CCDC30: variants seen among roughly 807,000 people sequenced by gnomAD.
The protein encoded by CCDC30 is coiled-coil domain containing 30.
In CCDC30, 70 loss-of-function variants were observed where a neutral mutation model predicts 100.2. That is an observed-to-expected ratio of 0.70 (90% CI 0.58 to 0.85). The LOEUF is 0.85. Among genes scored for constraint, CCDC30 ranks in the 40% least tolerant of loss-of-function variants. The probability of loss-of-function intolerance (pLI) is 0.00; values close to 1 mark genes in which losing one functional copy is unlikely to be tolerated. For synonymous variants in CCDC30, 233 were observed against 269.5 expected (o/e 0.86, Z 1.33); for missense variants, 652 against 771.2 (o/e 0.85, Z 1.83).
Position 42,512,304 on chromosome 1 carries a change from T to A in CCDC30, c.456+13388T>A, listed in dbSNP as rs139821609. Among the ~76,000 whole-genome samples the A allele has an allele frequency of 5.2e-3, 791 of 152,186 alleles. 8 individuals carry two copies. Among genetic ancestry groups the A allele is most frequent in the African/African-American group, 0.018 (764 of 41,544 alleles). ...AAAGAGATTTTGTTTATGGCCAGTT[T>A]TGGGGCCAGTTTATGGCCAGATTTG... On this transcript the variant is annotated intron_variant, in intron 6 of 16. Coordinates refer to ENST00000668663, the Ensembl canonical transcript of CCDC30.
At chr1:42,538,839 T>A (rs1462163508) in intron 6 of CCDC30, among the ~76,000 whole-genome samples, 1 of 152,230 alleles carries the variant, frequency 6.6e-6, no homozygotes, top group African/African-American at 2.4e-5. Context: ...TAGAAACAGA[T>A]AATATAACTA....
intron 2 of CCDC30, among the ~76,000 whole-genome samples, chr1:42,482,389 C>A (rs962663105): frequency 6.6e-6 from 1 of 151,764 alleles, no homozygotes; most frequent in Non-Finnish European, 1.5e-5. Context: ...AGAAATAGAA[C>A]AATACACTCA....
chr1:42,511,048 C>T (rs1168013063), intron 6 of CCDC30, among the ~76,000 whole-genome samples: 2 of 151,960 alleles, frequency 1.3e-5, no homozygotes, highest in Non-Finnish European at 2.9e-5. Flanking sequence ...GAAAGAGAAG[C>T]GAGAAAAAGG....
intron 11 of CCDC30, among the ~76,000 whole-genome samples, chr1:42,611,628 T>C (rs1646626513): frequency 6.8e-6 from 1 of 146,390 alleles, no homozygotes; most frequent in South Asian, 2.1e-4. Context: ...CATTTGGTTT[T>C]TAGGCAGTTA....
At chr1:42,509,298 A>C (rs888881217) in intron 6 of CCDC30, among the ~76,000 whole-genome samples, 1 of 152,232 alleles carries the variant, frequency 6.6e-6, no homozygotes, top group Non-Finnish European at 1.5e-5. Context: ...CCTGGGGAGC[A>C]GACCAAGAAA....
intron 13 of CCDC30, among the ~76,000 whole-genome samples, chr1:42,643,323 T>C (rs1389213810): frequency 6.6e-6 from 1 of 152,210 alleles, no homozygotes; most frequent in African/African-American, 2.4e-5. Context: ...CAGAGCAGCA[T>C]GTGGACCTCA....
intron 3 of CCDC30, among the ~76,000 whole-genome samples, chr1:42,487,862 A>G (rs1219022676): frequency 2.6e-5 from 4 of 152,044 alleles, no homozygotes; most frequent in Admixed American, 6.6e-5. Context: ...CCTGGCCAAC[A>G]CCCTGATTTC....
downstream of CCDC30, among the ~76,000 whole-genome samples, chr1:42,656,976 G>A (rs1057049476): frequency 2.0e-5 from 3 of 152,262 alleles, no homozygotes; most frequent in Middle Eastern, 3.4e-3. Flanking sequence ...CGTGACTGCT[G>A]CTGTTCCTTT....
intron 6 of CCDC30, among the ~76,000 whole-genome samples, chr1:42,505,287 A>C (rs1309752616): frequency 6.6e-6 from 1 of 152,072 alleles, no homozygotes; most frequent in African/African-American, 2.4e-5. Flanking sequence ...GGCCAGAACT[A>C]TCTGGCCAAT....
chr1:42,569,750 G>A (rs1645691924), intron 7 of CCDC30, among the ~76,000 whole-genome samples: 1 of 152,192 alleles, frequency 6.6e-6, no homozygotes, highest in Non-Finnish European at 1.5e-5. Flanking sequence ...TGATAGACTG[G>A]ATAAAGAAAA....
At chr1:42,560,361 ATTGTTGTTG>A (rs913606834) in intron 6 of CCDC30, among the ~76,000 whole-genome samples, 2 of 151,760 alleles carry the variant, frequency 1.3e-5, no homozygotes, top group Non-Finnish European at 2.9e-5. Flanking sequence ...AGCTGTTTTT[ATTGTTGTTG>A]TTGTTGTTTT....
chr1:42,463,556 C>T (rs2148426662), exon 1 of CCDC30: 2 of 152,602 alleles, frequency 1.3e-5, no homozygotes, highest in Non-Finnish European at 2.9e-5. Context: ...GTGATTCCGC[C>T]TGAAGGAGAA....
At chr1:42,563,568 GT>G (rs1241275632) in intron 6 of CCDC30, among the ~76,000 whole-genome samples, 1 of 151,914 alleles carries the variant, frequency 6.6e-6, no homozygotes, top group Non-Finnish European at 1.5e-5. Flanking sequence ...ATGTATCCTG[GT>G]TTTTTTTAGA....
At chr1:42,521,771 C>T (rs1020486020) in intron 6 of CCDC30, among the ~76,000 whole-genome samples, 3 of 151,686 alleles carry the variant, frequency 2.0e-5, no homozygotes, top group African/African-American at 7.3e-5. Context: ...TATATTTTTA[C>T]TATATTGAGC....
chr1:42,456,897 C>T, the CCDC30 span: 3 of 1,612,074 alleles, frequency 1.9e-6, no homozygotes, highest in Non-Finnish European at 2.5e-6. Flanking sequence ...TCGGGCCCAG[C>T]CCTTTCGGGC....
intron 1 of CCDC30, chr1:42,473,028 TAAG>T (rs1643820123): frequency 1.8e-6 from 2 of 1,141,320 alleles, no homozygotes; most frequent in African/African-American, 1.6e-5. Flanking sequence ...AGTACTCTAA[TAAG>T]GAGACTAAGG....
intron 6 of CCDC30, among the ~76,000 whole-genome samples, chr1:42,554,275 CT>C (rs1286952607): frequency 0.21 from 27,089 of 130,738 alleles, 2,056 homozygotes; most frequent in Non-Finnish European, 0.27. Flanking sequence ...TTTATGGCTT[CT>C]TTTTTTTTTT....
intron 6 of CCDC30, among the ~76,000 whole-genome samples, chr1:42,543,435 C>A (rs148244975): frequency 5.9e-4 from 89 of 152,102 alleles, no homozygotes; most frequent in Admixed American, 1.2e-3. Context: ...GATTTTCATG[C>A]CTCAGCCATC....
chr1:42,610,979 A>T, exon 11 of CCDC30: 2 of 1,557,752 alleles, frequency 1.3e-6, no homozygotes, highest in Non-Finnish European at 1.8e-6. Flanking sequence ...GTTTTTCAGC[A>T]TGTCAAAAGC....
Sources: gnomAD v4.1 joint callset for allele counts (sites outside exome capture counted in the v4.1 genomes callset) on GRCh38, gnomAD v4.1.1 for gene constraint, MANE v1.5 for transcripts, NCBI Gene and HGNC (gene_info 2026-07-23, HGNC 2026-07-21) for gene names.